GPC6: variants seen among roughly 807,000 people sequenced by gnomAD.
The protein encoded by GPC6 is glypican-6.
In GPC6, 14 loss-of-function variants were observed where a neutral mutation model predicts 55.2. The observed-to-expected ratio is 0.25, with a 90% CI of 0.17 to 0.40. GPC6 has a LOEUF of 0.40. Ranked by LOEUF, GPC6 falls within the 10% of genes least tolerant of loss-of-function variation. The pLI is 1.00. For synonymous variants in GPC6, 278 were observed against 259.6 expected (o/e 1.07, Z -0.68); for missense variants, 641 against 708.5 (o/e 0.90, Z 1.08).
intron 2 of GPC6, among the ~76,000 whole-genome samples, chr13:93,725,797 AAAG>A (rs1406855920): frequency 6.6e-6 from 1 of 152,094 alleles, no homozygotes; most frequent in Admixed American, 6.6e-5. Flanking sequence ...CCAAAAATAA[AAAG>A]AAGAAAATCA....
rs1166418609 is a variant in GPC6, at chr13:93,433,706, C to T, written c.161-111557C>T. The stretch of plus-strand genomic sequence containing the variant: ...TGAGAGAGAAAAAGAGGGAGACAGA[C>T]AGAGTCAAGAGAGATTTTCCAGGGG... On this transcript the variant is annotated intron_variant, in intron 1 of 8. Transcript: ENST00000377047. 3.3e-5 allele frequency among the ~76,000 whole-genome samples: 5 copies of T among 152,102 alleles called. No homozygotes were observed. In the East Asian group the frequency reaches 5.8e-4, roughly 18 times the overall value.
At chr13:94,315,885 C>G (rs1318885453) in intron 6 of GPC6, among the ~76,000 whole-genome samples, 1 of 152,214 alleles carries the variant, frequency 6.6e-6, no homozygotes, top group Non-Finnish European at 1.5e-5. Flanking sequence ...CTGCATGTGG[C>G]CCAGGATGGC....
chr13:93,530,764 A>G (rs1881836120), intron 1 of GPC6, among the ~76,000 whole-genome samples: 1 of 152,178 alleles, frequency 6.6e-6, no homozygotes, highest in South Asian at 2.1e-4. Context: ...ATTAATAGTT[A>G]TACTCTTGAT....
chr13:93,536,852 G>A (rs1882082970), intron 1 of GPC6, among the ~76,000 whole-genome samples: 1 of 152,106 alleles, frequency 6.6e-6, no homozygotes, highest in Non-Finnish European at 1.5e-5. Context: ...GTTCCTAAAG[G>A]TATAGATTAA....
chr13:93,989,963 A>G (rs1393846848), intron 3 of GPC6, among the ~76,000 whole-genome samples: 1 of 149,766 alleles, frequency 6.7e-6, no homozygotes, highest in African/African-American at 2.4e-5. Context: ...TTTGTATAAA[A>G]TATGTAAAGA....
intron 2 of GPC6, among the ~76,000 whole-genome samples, chr13:93,739,432 A>T (rs1420865283): frequency 6.3e-5 from 9 of 142,440 alleles, no homozygotes; most frequent in South Asian, 2.2e-4. Context: ...CTTCAAATAC[A>T]TTTTTTTTTT....
At chr13:93,659,576 A>G (rs1032863436) in intron 2 of GPC6, among the ~76,000 whole-genome samples, 2 of 152,022 alleles carry the variant, frequency 1.3e-5, no homozygotes, top group African/African-American at 4.8e-5. Context: ...AAAAGCAGCA[A>G]TGCAGATCAA....
At chr13:94,388,774 T>C (rs140694820) in intron 7 of GPC6, among the ~76,000 whole-genome samples, 40 of 152,280 alleles carry the variant, frequency 2.6e-4, no homozygotes, top group Non-Finnish European at 4.6e-4. Context: ...CTTTCTCTTA[T>C]AAGGGAGCTA....
intron 3 of GPC6, among the ~76,000 whole-genome samples, chr13:94,026,952 C>T (rs772045154): frequency 3.9e-5 from 6 of 152,130 alleles, no homozygotes; most frequent in Non-Finnish European, 8.8e-5. Flanking sequence ...CTATAATTCA[C>T]GATGAGATTT....
At chr13:93,549,435 G>A (rs74952379) in intron 2 of GPC6, among the ~76,000 whole-genome samples, 1 of 152,284 alleles carries the variant, frequency 6.6e-6, no homozygotes, top group Non-Finnish European at 1.5e-5. Flanking sequence ...GCTAGTAGTA[G>A]TAGTCATAAG....
chr13:94,209,070 G>C (rs1017991290), intron 4 of GPC6, among the ~76,000 whole-genome samples: 1 of 151,690 alleles, frequency 6.6e-6, no homozygotes, highest in Non-Finnish European at 1.5e-5. Context: ...TTGTAGAATA[G>C]GTATGTGTAA....
At chr13:93,366,053 C>T (rs1248144730) in intron 1 of GPC6, among the ~76,000 whole-genome samples, 1 of 152,008 alleles carries the variant, frequency 6.6e-6, no homozygotes, top group Non-Finnish European at 1.5e-5. Context: ...GTGAGAGATA[C>T]ACTATATATC....
chr13:93,689,606 G>C (rs980154359), intron 2 of GPC6, among the ~76,000 whole-genome samples: 1 of 152,052 alleles, frequency 6.6e-6, no homozygotes, highest in Non-Finnish European at 1.5e-5. Flanking sequence ...CATGTGGCCT[G>C]TTTGTAAATT....
At chr13:94,295,948 C>T (rs904570145) in intron 5 of GPC6, among the ~76,000 whole-genome samples, 2 of 145,928 alleles carry the variant, frequency 1.4e-5, no homozygotes, top group African/African-American at 2.5e-5. Flanking sequence ...CCACTTACTG[C>T]GCTCCACCGA....
intron 2 of GPC6, among the ~76,000 whole-genome samples, chr13:93,565,751 A>C (rs1226637967): frequency 6.6e-6 from 1 of 151,926 alleles, no homozygotes; most frequent in East Asian, 1.9e-4. Flanking sequence ...GTGAAACCCC[A>C]TCTCTACTAA....
chr13:93,389,361 G>A (rs769169216), intron 1 of GPC6, among the ~76,000 whole-genome samples: 27 of 151,612 alleles, frequency 1.8e-4, no homozygotes, highest in Admixed American at 3.3e-4. Flanking sequence ...ATAAATAGCC[G>A]GGCGTGGTGG....
intron 4 of GPC6, among the ~76,000 whole-genome samples, chr13:94,096,776 C>A (rs1056213457): frequency 6.6e-6 from 1 of 152,174 alleles, no homozygotes; most frequent in Admixed American, 6.5e-5. Flanking sequence ...TAGTTACAAG[C>A]AAACAGAAAT....
chr13:93,221,576 A>G, the GPC6 span, among the ~76,000 whole-genome samples: 1 of 152,218 alleles, frequency 6.6e-6, no homozygotes, highest in Non-Finnish European at 1.5e-5. Context: ...AGCACTAGGT[A>G]TATGTTTAAG....
chr13:94,107,658 A>G (rs1886104753), intron 4 of GPC6, among the ~76,000 whole-genome samples: 1 of 151,610 alleles, frequency 6.6e-6, no homozygotes, highest in African/African-American at 2.4e-5. Flanking sequence ...AATCATGTAC[A>G]ACTATAAAAT....
Sources: allele counts gnomAD v4.1 joint callset (sites outside exome capture counted in the v4.1 genomes callset), GRCh38; gene constraint gnomAD v4.1.1; transcripts MANE v1.5; gene names NCBI Gene and HGNC (gene_info 2026-07-23, HGNC 2026-07-21).